Variants in DCHS2 observed in about 807,000 individuals in gnomAD.
DCHS2 encodes dachsous cadherin-related 2.
In DCHS2, 142 loss-of-function variants were observed where a neutral mutation model predicts 182.4. The observed-to-expected ratio is 0.78, with a 90% CI of 0.68 to 0.89. The LOEUF (loss-of-function observed/expected upper bound fraction) is 0.89. DCHS2 is among the 40% of genes least tolerant of loss of function. The probability of loss-of-function intolerance (pLI) is 0.00; values close to 1 mark genes in which losing one functional copy is unlikely to be tolerated. For synonymous variants in DCHS2, 1,740 were observed against 1,663.3 expected (o/e 1.05, Z -1.12); for missense variants, 4,319 against 4,198.6 (o/e 1.03, Z -0.79).
chr4:154,447,623 T>C (rs1434953167), intron 1 of DCHS2, among the ~76,000 whole-genome samples: 2 of 152,308 alleles, frequency 1.3e-5, no homozygotes, highest in Non-Finnish European at 2.9e-5. Flanking sequence ...AGATGGAGCT[T>C]GAGGAAAAAT....
At chr4:154,283,119 A>C (rs1400837704) in intron 13 of DCHS2, among the ~76,000 whole-genome samples, 1 of 152,164 alleles carries the variant, frequency 6.6e-6, no homozygotes, top group African/African-American at 2.4e-5. Context: ...CACAGTTAAC[A>C]CTGTCGTAGA....
chr4:154,353,388 A>T lies in DCHS2; in HGVS notation c.2476+12822T>A, dbSNP rs1030534980. Among the ~76,000 whole-genome samples the T allele has an allele frequency of 7.2e-5, 11 of 152,314 alleles. No homozygotes were observed. The East Asian group carries it at 1.5e-3, about 21-fold the overall frequency. ...TAAAGGAGGAAAGACTTCAGAAAAGACAAACACACAAAATACTCTAGTTAA... is the reference window on the plus strand; with the variant it reads ...TAAAGGAGGAAAGACTTCAGAAAAGTCAAACACACAAAATACTCTAGTTAA... On this transcript the variant is annotated intron_variant, in intron 3 of 19. Transcript: ENST00000357232.
rs528816912 is a variant in DCHS2, at chr4:154,462,702, T to C, written c.2052+26602A>G. The stretch of plus-strand genomic sequence containing the variant: ...AGGGAGATTTAGCAACTTTAATACA[T>C]ATAACCAGAAAGCATTAAACACTGG... On this transcript the variant is annotated intron_variant, in intron 1 of 19. Transcript: ENST00000357232. Among the ~76,000 whole-genome samples the C allele has an allele frequency of 1.1e-4, 17 of 152,242 alleles. No homozygotes were observed. The South Asian group carries it at 2.1e-3, about 19-fold the overall frequency.
chr4:154,315,051 A>G (rs1735804602), intron 10 of DCHS2, among the ~76,000 whole-genome samples: 1 of 152,226 alleles, frequency 6.6e-6, no homozygotes, highest in Non-Finnish European at 1.5e-5. Context: ...TAAGAAATTT[A>G]TAAATTCCTA....
chr4:154,320,579 T>G lies in DCHS2; in HGVS notation c.4820A>C (p.Gln1607Pro). The change falls in exon 9 of 20, where the codon CAA becomes CCA. Residue 1607 changes from glutamine (Q) to proline (P), a missense_variant. Coordinates refer to ENST00000357232, the MANE Select transcript of DCHS2 (RefSeq NM_001358235.2). ...GTCATTTACATCCAAAATCACTATT[T>G]GTGCTGTCAGTGATCTCAGTCGCCG... ...TDRRLRSLTAQIVILDVNDHN... is the reference protein window; with the variant it reads ...TDRRLRSLTAPIVILDVNDHN... 2.5e-6 allele frequency: 4 copies of G among 1,614,126 alleles called. No individual in the cohort carries two copies. The highest frequency in any genetic ancestry group is 3.4e-6 in the Non-Finnish European group (4 of 1,180,014).
Position 154,298,558 on chromosome 4 carries a change from A to C in DCHS2, c.5756T>G (p.Leu1919Arg), listed in dbSNP as rs1483209378. Residue 1919 changes from leucine to arginine, a missense_variant, in exon 13 of 20, where the codon CTG becomes CGG. Leu to Arg is a moderately radical substitution (Grantham distance 102). Transcript: ENST00000357232. ...GDPPRSSVIH[L>R]QVRVLDANDH... is the part of the protein sequence containing the mutation. ...ATTGGCATCCAAAACTCTAACTTGCAGGTGTATTACAGAGCTCCTAGGTGG... is the reference window on the plus strand; with the variant it reads ...ATTGGCATCCAAAACTCTAACTTGCCGGTGTATTACAGAGCTCCTAGGTGG... The C allele has an allele frequency of 6.2e-7, 1 of 1,614,188 alleles. No individual in the cohort carries two copies. The highest frequency in any genetic ancestry group is 8.5e-7 in the Non-Finnish European group (1 of 1,180,018).
chr4:154,283,052 C>A (rs144903391), intron 13 of DCHS2, among the ~76,000 whole-genome samples: 3 of 152,014 alleles, frequency 2.0e-5, no homozygotes, highest in East Asian at 3.9e-4. Flanking sequence ...TTGGTGGGCA[C>A]AATTTGAATT....
At chr4:154,442,317 C>T (rs1029003598) in intron 1 of DCHS2, among the ~76,000 whole-genome samples, 15 of 152,040 alleles carry the variant, frequency 9.9e-5, no homozygotes, top group African/African-American at 3.4e-4. Context: ...CCTCAATTCC[C>T]ATAAAAATGT....
In DCHS2 at chr4:154,298,316, T is replaced by C; in HGVS notation, c.5998A>G (p.Arg2000Gly). The change falls in exon 13 of 20, where the codon AGA (arginine) becomes GGA (glycine). Residue 2000 changes from arginine (R) to glycine (G), a missense_variant. Physicochemically the swap from Arg to Gly is moderately radical, Grantham distance 125 (BLOSUM62 -2). Transcript: ENST00000357232. ...KTSNTLDREA[R>G]SQHTFSAVAR... The stretch of plus-strand genomic sequence containing the variant: ...ACAGCACTAAATGTATGCTGAGATC[T>C]GGCTTCACGGTCGAGGGTGTTGCTG... 1.2e-6 allele frequency: 2 copies of C among 1,614,214 alleles called. No homozygotes were observed. The highest frequency in any genetic ancestry group is 1.7e-6 in the Non-Finnish European group (2 of 1,180,014).
rs55810732 is a variant in DCHS2, at chr4:154,489,515, G to T, written c.1841C>A (p.Ala614Glu). The T allele has an allele frequency of 9.0e-5, 139 of 1,551,384 alleles. 4 individuals carry two copies. In the South Asian group the frequency reaches 1.6e-3, roughly 18 times the overall value. Residue 614 changes from alanine to glutamate, a missense_variant, in exon 1 of 20, where the codon GCG (alanine) becomes GAG (glutamate). Coordinates refer to ENST00000357232, the MANE Select transcript of DCHS2 (RefSeq NM_001358235.2). ...PSFAIDSESG[A>E]ISTIRTLDRE... ...GTCTAGAGTCCGGATAGTGCTGATC[G>T]CACCGCTTTCGGAATCAATGGCAAA...
chr4:154,307,109 T>C (rs552075298), intron 10 of DCHS2, among the ~76,000 whole-genome samples: 1 of 152,278 alleles, frequency 6.6e-6, no homozygotes, highest in South Asian at 2.1e-4. Flanking sequence ...CCTTTACAAA[T>C]TAGGAAGTAA....
At chr4:154,470,961 T>C (rs1735440438) in intron 1 of DCHS2, among the ~76,000 whole-genome samples, 2 of 152,350 alleles carry the variant, frequency 1.3e-5, no homozygotes, top group East Asian at 3.9e-4. Context: ...AACAAGGATC[T>C]GCTGGATCAC....
chr4:154,324,685 G>A (rs1234280213), intron 7 of DCHS2, among the ~76,000 whole-genome samples: 1 of 152,148 alleles, frequency 6.6e-6, no homozygotes, highest in Admixed American at 6.5e-5. Context: ...AACAGTTGCT[G>A]AGTCATTACT....
At position 154,329,725 on chromosome 4, in the gene DCHS2, G is replaced by T; in HGVS notation, c.3731-15C>A. The T allele has an allele frequency of 6.2e-7, 1 of 1,605,826 alleles. No individual in the cohort carries two copies. The highest frequency in any genetic ancestry group is 8.5e-7 in the Non-Finnish European group (1 of 1,174,890). ...GATTAACTCTCCTGCAGAGTACAGAGCAGAACAAGACACAGGCACTGTGTA... is the reference window on the plus strand; with the variant it reads ...GATTAACTCTCCTGCAGAGTACAGATCAGAACAAGACACAGGCACTGTGTA... On this transcript the variant is annotated splice_polypyrimidine_tract_variant and intron_variant, in intron 5 of 19. Transcript: ENST00000357232.
At chr4:154,372,532 A>C (rs1020517202) in intron 2 of DCHS2, among the ~76,000 whole-genome samples, 1 of 152,220 alleles carries the variant, frequency 6.6e-6, no homozygotes, top group African/African-American at 2.4e-5. Flanking sequence ...TCTCAAACAC[A>C]TATGTCAGCT....
At chr4:154,364,539 A>G (rs1730262868) in intron 3 of DCHS2, among the ~76,000 whole-genome samples, 1 of 152,208 alleles carries the variant, frequency 6.6e-6, no homozygotes, top group Non-Finnish European at 1.5e-5. Context: ...GATCTTTGAA[A>G]TGTTAAAGGG....
intron 1 of DCHS2, among the ~76,000 whole-genome samples, chr4:154,471,047 A>C (rs569445316): frequency 1.3e-5 from 2 of 152,318 alleles, no homozygotes; most frequent in East Asian, 3.9e-4. Context: ...CGGTGGATGA[A>C]GAGAAGAAAC....
At chr4:154,289,896 CA>C (rs1734571987) in intron 13 of DCHS2, among the ~76,000 whole-genome samples, 1 of 151,958 alleles carries the variant, frequency 6.6e-6, no homozygotes, top group African/African-American at 2.4e-5. Context: ...TCATGATAAA[CA>C]CCTTCAACAA....
chr4:154,466,342 A>T (rs923602910), intron 1 of DCHS2, among the ~76,000 whole-genome samples: 5 of 152,210 alleles, frequency 3.3e-5, no homozygotes, highest in African/African-American at 1.2e-4. Flanking sequence ...GCCGCATATC[A>T]GCATATTCAT....
Sources: gnomAD v4.1 joint callset for allele counts (sites outside exome capture counted in the v4.1 genomes callset) on GRCh38, gnomAD v4.1.1 for gene constraint, MANE v1.5 for transcripts, NCBI Gene and HGNC (gene_info 2026-07-23, HGNC 2026-07-21) for gene names.